Variants in LEMD1 observed in about 807,000 individuals in gnomAD.
LEMD1 encodes the protein LEM domain containing 1, also known as LEM domain-containing protein 1.
In LEMD1, 18 loss-of-function variants were observed where a neutral mutation model predicts 17.4. The ratio of observed to expected loss-of-function variants is 1.04; its 90% CI spans 0.72 to 1.54. LEMD1 has a LOEUF of 1.54. Among genes scored for constraint, LEMD1 ranks in the 40% most tolerant of loss-of-function variants. The probability of loss-of-function intolerance (pLI) is 0.00; values close to 1 mark genes in which losing one functional copy is unlikely to be tolerated. For missense variants in LEMD1, 195 were observed against 210.4 expected (o/e 0.93, Z 0.45); for synonymous variants, 88 against 77.8 (o/e 1.13, Z -0.69).
intron 1 of LEMD1, among the ~76,000 whole-genome samples, chr1:205,446,044 G>C (rs1054444532): frequency 6.6e-6 from 1 of 152,198 alleles, no homozygotes; most frequent in Non-Finnish European, 1.5e-5. Flanking sequence ...CTGTAAAAAA[G>C]ACTTAGATTG....
intron 4 of LEMD1, among the ~76,000 whole-genome samples, chr1:205,395,451 A>C (rs922896372): frequency 6.6e-6 from 1 of 151,674 alleles, no homozygotes; most frequent in Admixed American, 6.6e-5. Context: ...AAAATTAGCC[A>C]GGTTTGGTGG....
intron 4 of LEMD1, among the ~76,000 whole-genome samples, chr1:205,396,641 G>A (rs1427483609): frequency 6.6e-6 from 1 of 152,222 alleles, no homozygotes; most frequent in African/African-American, 2.4e-5. Context: ...TAATGACCAT[G>A]TAAGCTCACA....
intron 1 of LEMD1, among the ~76,000 whole-genome samples, chr1:205,444,949 CT>C (rs1330277256): frequency 1.3e-5 from 2 of 151,566 alleles, no homozygotes; most frequent in Non-Finnish European, 2.9e-5. Context: ...AGGGTGTGCC[CT>C]CGACGCCTCT....
chr1:205,418,960 A>T (rs978769262), intron 3 of LEMD1, among the ~76,000 whole-genome samples: 1 of 152,242 alleles, frequency 6.6e-6, no homozygotes, highest in East Asian at 1.9e-4. Context: ...GCATCACCAC[A>T]CATTTGGCTC....
At chr1:205,390,285 G>C (rs1044178182) in intron 4 of LEMD1, among the ~76,000 whole-genome samples, 5 of 151,846 alleles carry the variant, frequency 3.3e-5, no homozygotes, top group Non-Finnish European at 5.9e-5. Flanking sequence ...AACCTGGGAG[G>C]TGGAGGTTGC....
upstream of LEMD1, among the ~76,000 whole-genome samples, chr1:205,426,965 C>T (rs1047688868): frequency 1.3e-5 from 2 of 152,094 alleles, no homozygotes; most frequent in Non-Finnish European, 1.5e-5. Context: ...GAGGAGATGC[C>T]GGGAGGCTTT....
intron 4 of LEMD1, chr1:205,387,561 T>A (rs1664094422): frequency 6.6e-6 from 1 of 152,230 alleles, no homozygotes; most frequent in African/African-American, 2.4e-5. Context: ...TGGTGTTTAT[T>A]AAAGCAGTGG....
chr1:205,382,591 G>T (rs909572179), intron 5 of LEMD1, among the ~76,000 whole-genome samples: 1 of 152,098 alleles, frequency 6.6e-6, no homozygotes, highest in Admixed American at 6.5e-5. Context: ...TACTAACAGC[G>T]TATTGGGGGA....
chr1:205,446,544 C>G (rs1666392363), intron 1 of LEMD1, among the ~76,000 whole-genome samples: 1 of 152,224 alleles, frequency 6.6e-6, no homozygotes, highest in Admixed American at 6.5e-5. Context: ...ACTACCCGGG[C>G]AAACTGAACA....
rs150205364 is a variant in LEMD1, at chr1:205,386,874, G to A, written c.271-2510C>T. 1.0e-3 allele frequency: 156 copies of A among 152,048 alleles called. 1 individual carries two copies. In the East Asian group the frequency reaches 0.021, roughly 20 times the overall value. 9.4% of individuals were successfully genotyped at this position (152,048 alleles called of 1,614,324 possible). On this transcript the variant is annotated intron_variant, in intron 4 of 5. Coordinates refer to ENST00000367153, the MANE Select transcript of LEMD1 (RefSeq NM_001199050.2). ...AGAGATATTTCAAGCTATTTCCAAGGGTATTGGAAAAATCATTTATAAGCA... is the reference window on the plus strand; with the variant it reads ...AGAGATATTTCAAGCTATTTCCAAGAGTATTGGAAAAATCATTTATAAGCA...
intron 1 of LEMD1, chr1:205,440,615 T>C (rs1666277487): frequency 6.6e-6 from 1 of 152,474 alleles, no homozygotes; most frequent in African/African-American, 2.4e-5. Context: ...GGAAAGAAGT[T>C]TCACTCCTTG....
intron 4 of LEMD1, among the ~76,000 whole-genome samples, chr1:205,406,807 G>A (rs575753573): frequency 2.6e-5 from 4 of 152,282 alleles, no homozygotes; most frequent in Admixed American, 1.3e-4. Flanking sequence ...TGTCGCTCAC[G>A]CTGGGAGCTG....
chr1:205,433,684 G>A (rs180762825), intron 1 of LEMD1, among the ~76,000 whole-genome samples: 39 of 152,312 alleles, frequency 2.6e-4, no homozygotes, highest in African/African-American at 9.4e-4. Context: ...CATCTTGGCG[G>A]ACTCCTGAAG....
intron 1 of LEMD1, chr1:205,440,885 G>A (rs1341064708): frequency 2.6e-5 from 4 of 152,378 alleles, no homozygotes; most frequent in African/African-American, 9.6e-5. Flanking sequence ...CATCAGGCCT[G>A]GGACCTGCTG....
At chr1:205,405,209 T>C (rs1218361745) in intron 4 of LEMD1, among the ~76,000 whole-genome samples, 1 of 151,768 alleles carries the variant, frequency 6.6e-6, no homozygotes, top group Non-Finnish European at 1.5e-5. Context: ...AGGAGTATCT[T>C]TGTGGCGTTC....
intron 4 of LEMD1, among the ~76,000 whole-genome samples, chr1:205,393,677 A>T (rs1023349822): frequency 2.3e-3 from 2 of 870 alleles, no homozygotes; most frequent in African/African-American, 2.7e-3. Context: ...CTCTGTCTTA[A>T]AAAAAAAAAA....
intron 4 of LEMD1, among the ~76,000 whole-genome samples, chr1:205,408,300 A>G (rs1308128370): frequency 1.3e-5 from 2 of 150,412 alleles, no homozygotes; most frequent in South Asian, 2.1e-4. Flanking sequence ...TTTGCTCTCA[A>G]ATCATTCAGA....
intron 1 of LEMD1, among the ~76,000 whole-genome samples, chr1:205,443,749 G>A (rs1303244847): frequency 6.6e-6 from 1 of 152,244 alleles, no homozygotes; most frequent in African/African-American, 2.4e-5. Context: ...CCCGGAGGCT[G>A]CCTGGGCTCT....
At chr1:205,445,156 G>C (rs1263729594) in intron 1 of LEMD1, among the ~76,000 whole-genome samples, 1 of 152,066 alleles carries the variant, frequency 6.6e-6, no homozygotes, top group Non-Finnish European at 1.5e-5. Flanking sequence ...AAAAACGAAG[G>C]GGGTGAATTG....
Sources: gnomAD v4.1 joint callset for allele counts (sites outside exome capture counted in the v4.1 genomes callset) on GRCh38, gnomAD v4.1.1 for gene constraint, MANE v1.5 for transcripts, NCBI Gene and HGNC (gene_info 2026-07-23, HGNC 2026-07-21) for gene names.